TASP1: variants seen among roughly 807,000 people sequenced by gnomAD.
TASP1 encodes taspase 1.
In TASP1, 16 loss-of-function variants were observed where a neutral mutation model predicts 56.6. The observed-to-expected ratio is 0.28, with a 90% CI of 0.19 to 0.43. TASP1 has a LOEUF of 0.43. Among genes scored for constraint, TASP1 ranks in the 20% least tolerant of loss-of-function variants. The pLI is 1.00. For missense variants in TASP1, 393 were observed against 511.6 expected, an observed-to-expected ratio of 0.77 and a Z score of 2.24; for synonymous variants, 179 against 184.2, an observed-to-expected ratio of 0.97 and a Z score of 0.23.
At chr20:13,426,141 T>C (rs61151551) in intron 12 of TASP1, among the ~76,000 whole-genome samples, 9,626 of 152,200 alleles carry the variant, frequency 0.063, 440 homozygotes, top group African/African-American at 0.13. Context: ...TATCTTCCTG[T>C]TTTATCCTTT....
the TASP1 span, among the ~76,000 whole-genome samples, chr20:13,313,125 A>G: frequency 6.0e-4 from 91 of 152,294 alleles, no homozygotes; most frequent in African/African-American, 2.1e-3. Context: ...TCCCGCATCC[A>G]GGTCTGCCCA....
In TASP1 at chr20:13,560,467, T is replaced by C. The variant is rs576397560; in HGVS notation, c.569-1353A>G. ...AGAGTACAGAGTTTTATAGGAGACA[T>C]TCCCCACAATAAACTGGGAATTTAA... On this transcript the variant is annotated intron_variant, in intron 7 of 13. Coordinates refer to ENST00000337743, the MANE Select transcript of TASP1 (RefSeq NM_017714.3). Among the ~76,000 whole-genome samples, 223 of 152,208 alleles carry C rather than the reference T, an allele frequency of 1.5e-3. 1 individual carries two copies. The highest frequency in any genetic ancestry group is 4.4e-4 in the Non-Finnish European group (30 of 68,018).
the TASP1 span, chr20:13,117,504 A>G: frequency 1.9e-6 from 3 of 1,581,574 alleles, no homozygotes; most frequent in Non-Finnish European, 2.6e-6. Flanking sequence ...CTTCTGCCCT[A>G]GCATGGAAGG....
chr20:13,363,377 G>A, the TASP1 span, among the ~76,000 whole-genome samples: 1 of 152,130 alleles, frequency 6.6e-6, no homozygotes, highest in African/African-American at 2.4e-5. Context: ...TATGCTAGGA[G>A]TGTGGTGCAC....
chr20:13,335,938 G>A, the TASP1 span, among the ~76,000 whole-genome samples: 4,580 of 152,094 alleles, frequency 0.03, 205 homozygotes, highest in African/African-American at 0.099. Context: ...AAATTTTCCC[G>A]GAACTAAAAG....
At chr20:13,221,552 T>TGCGGCG in the TASP1 span, among the ~76,000 whole-genome samples, 38 of 141,586 alleles carry the variant, frequency 2.7e-4, no homozygotes, top group East Asian at 2.0e-3. Context: ...TCCGCCGTGG[T>TGCGGCG]GCGGCGGCGG....
the TASP1 span, among the ~76,000 whole-genome samples, chr20:13,134,751 T>A: frequency 2.1e-3 from 317 of 149,462 alleles, no homozygotes; most frequent in Non-Finnish European, 4.0e-3. Context: ...CAAACAAAGG[T>A]AAAGGACCTA....
rs551161293 is a variant in TASP1 at position 13,616,149 on chromosome 20, T to C, written c.282+7297A>G. ...CCTAGGACCAATGAATCTAATTAAA[T>C]CCCTTTTGTGTAATATTCCTATTAA... On this transcript the variant is annotated intron_variant, in intron 4 of 13. Coordinates refer to ENST00000337743, the MANE Select transcript of TASP1 (RefSeq NM_017714.3). Among the ~76,000 whole-genome samples the C allele has an allele frequency of 1.1e-4, 16 of 152,204 alleles. No individual in the cohort carries two copies. In the South Asian group the frequency reaches 3.3e-3, roughly 32 times the overall value.
At chr20:13,139,401 T>C in the TASP1 span, among the ~76,000 whole-genome samples, 1 of 152,206 alleles carries the variant, frequency 6.6e-6, no homozygotes, top group Non-Finnish European at 1.5e-5. Flanking sequence ...ATTCATTTTT[T>C]CCTAACATAA....
chr20:13,112,291 C>T, the TASP1 span, among the ~76,000 whole-genome samples: 1 of 152,322 alleles, frequency 6.6e-6, no homozygotes, highest in South Asian at 2.1e-4. Context: ...TACTGGCTCT[C>T]ACCTGGAGTG....
chr20:13,320,098 C>T, the TASP1 span, among the ~76,000 whole-genome samples: 206 of 152,282 alleles, frequency 1.4e-3, 1 homozygote, highest in East Asian at 9.6e-3. Flanking sequence ...AAAGCAACAC[C>T]AGGGTCCCCT....
the TASP1 span, among the ~76,000 whole-genome samples, chr20:13,381,444 A>T: frequency 1.3e-4 from 20 of 152,366 alleles, no homozygotes; most frequent in Admixed American, 1.3e-3. Context: ...CAGGTACCTC[A>T]GATGGAAATG....
At chr20:13,589,868 G>A (rs1322246608) in intron 4 of TASP1, among the ~76,000 whole-genome samples, 1 of 152,158 alleles carries the variant, frequency 6.6e-6, no homozygotes, top group Non-Finnish European at 1.5e-5. Flanking sequence ...TCATGCCATT[G>A]TACTCTAGCC....
chr20:13,166,610 T>C, the TASP1 span: 1 of 152,216 alleles, frequency 6.6e-6, no homozygotes, highest in African/African-American at 2.4e-5. Flanking sequence ...AAGGGAGACA[T>C]ACTGTTCTTA....
At chr20:13,432,425 T>G (rs2042841996) in intron 12 of TASP1, among the ~76,000 whole-genome samples, 1 of 152,206 alleles carries the variant, frequency 6.6e-6, no homozygotes, top group Non-Finnish European at 1.5e-5. Flanking sequence ...TTTCACATCT[T>G]TGATTCCTGT....
At chr20:13,528,710 A>C (rs1251701269) in intron 9 of TASP1, among the ~76,000 whole-genome samples, 199 bp from the exon 10 acceptor site, 1 of 152,190 alleles carries the variant, frequency 6.6e-6, no homozygotes, top group African/African-American at 2.4e-5. Flanking sequence ...ATATTCCATT[A>C]ATCTTAAAAC....
chr20:13,221,771 A>C, the TASP1 span: 1 of 1,441,868 alleles, frequency 6.9e-7, no homozygotes, highest in Non-Finnish European at 9.1e-7. Context: ...CGCGCGTCTC[A>C]AAAGGATGGT....
At chr20:13,292,530 A>T in the TASP1 span, 4 of 975,742 alleles carry the variant, frequency 4.1e-6, no homozygotes, top group Non-Finnish European at 6.3e-6. Flanking sequence ...TTGCTTTTGC[A>T]ATGCCATCCT....
chr20:13,265,227 T>C, the TASP1 span, among the ~76,000 whole-genome samples: 2 of 152,212 alleles, frequency 1.3e-5, no homozygotes, highest in Non-Finnish European at 2.9e-5. Context: ...CAGCTCCCTG[T>C]TCTCTTAACC....
Sources: allele counts gnomAD v4.1 joint callset (sites outside exome capture counted in the v4.1 genomes callset), GRCh38; gene constraint gnomAD v4.1.1; transcripts MANE v1.5; gene names NCBI Gene and HGNC (gene_info 2026-07-23, HGNC 2026-07-21).